The following MFSD1 variants were observed in gnomAD, a reference collection of about 807,000 sequenced individuals.
MFSD1 encodes lysosomal dipeptide transporter MFSD1.
MFSD1 carries 59 observed loss-of-function variants against 67.1 expected under a neutral mutation model. That is an observed-to-expected ratio of 0.88 (90% CI 0.71 to 1.09). The LOEUF (loss-of-function observed/expected upper bound fraction) is 1.09. Among genes scored for constraint, MFSD1 ranks in the 50% least tolerant of loss-of-function variants. The pLI is 0.00. For missense variants in MFSD1, 552 were observed against 566.1 expected (o/e 0.97, Z 0.25); for synonymous variants, 213 against 200.3 (o/e 1.06, Z -0.54).
intron 2 of MFSD1, among the ~76,000 whole-genome samples, 179 bp downstream of exon 2, chr3:158,804,550 A>C (rs1315456491): frequency 6.6e-6 from 1 of 152,222 alleles, no homozygotes; most frequent in African/African-American, 2.4e-5. Context: ...GTTACCACAA[A>C]TAATTCATTT....
intron 9 of MFSD1, 60 bp from the exon 10 acceptor site, chr3:158,821,537 T>A: frequency 9.0e-7 from 1 of 1,114,172 alleles, no homozygotes; most frequent in South Asian, 1.4e-5. Flanking sequence ...TTCAACTTTA[T>A]TTTTTGAAAA....
intron 6 of MFSD1, 37 bp from the exon 7 acceptor site, chr3:158,813,928 T>C (rs758286542): frequency 3.4e-6 from 5 of 1,462,924 alleles, no homozygotes; most frequent in Non-Finnish European, 4.8e-6. Context: ...TATATATGAT[T>C]TAAAATGCTG....
chr3:158,818,532 T>A (rs1416877730), intron 7 of MFSD1, among the ~76,000 whole-genome samples: 1 of 152,168 alleles, frequency 6.6e-6, no homozygotes, highest in Non-Finnish European at 1.5e-5. Flanking sequence ...CAGTCTCTAA[T>A]TAAACCACTG....
At chr3:158,812,835 G>A (rs574811819) in intron 6 of MFSD1, among the ~76,000 whole-genome samples, 2 of 151,880 alleles carry the variant, frequency 1.3e-5, no homozygotes, top group African/African-American at 4.8e-5. Flanking sequence ...CATCCTCTCC[G>A]TTCTGTTTGC....
intron 7 of MFSD1, among the ~76,000 whole-genome samples, chr3:158,816,098 G>C (rs1222061049): frequency 2.4e-4 from 36 of 151,914 alleles, no homozygotes; most frequent in African/African-American, 7.2e-4. Context: ...ATTGTGAATA[G>C]TGCCGCAATA....
chr3:158,821,891 G>C (rs1243690767), intron 10 of MFSD1, 93 bp from the exon 11 acceptor site: 45 of 1,323,984 alleles, frequency 3.4e-5, no homozygotes, highest in Non-Finnish European at 3.4e-5. Context: ...AAATGAGTTA[G>C]GATTTGCTTT....
chr3:158,820,281 G>A lies in MFSD1; in HGVS notation c.818G>A (p.Cys273Tyr). The A allele has an allele frequency of 1.2e-6, 2 of 1,611,900 alleles. No individual in the cohort carries two copies. Among genetic ancestry groups the A allele is most frequent in the Non-Finnish European group, 1.7e-6 (2 of 1,178,224 alleles). The change falls in exon 9 of 16, where the codon TGT becomes TAT. Residue 273 changes from cysteine (C) to tyrosine (Y), a missense_variant. Transcript: ENST00000415822. ...CCCCTGTGGCTTATATTTATCATCT[G>A]TGTCTGCTATTATGTTGCTGTGTTC... ...SLPLWLIFII[C>Y]VCYYVAVFPF...
At chr3:158,817,031 C>T (rs1473769229) in intron 7 of MFSD1, among the ~76,000 whole-genome samples, 1 of 152,132 alleles carries the variant, frequency 6.6e-6, no homozygotes, top group Admixed American at 6.5e-5. Flanking sequence ...GGTACCAGTA[C>T]CATGCTGTTT....
chr3:158,809,414 C>G (rs1387003603), intron 6 of MFSD1, 127 bp downstream of exon 6: 2 of 600,094 alleles, frequency 3.3e-6, no homozygotes, highest in Non-Finnish European at 5.7e-6. Context: ...TTATGGATTT[C>G]TCTAGAACAC....
At position 158,809,790 on chromosome 3, in the gene MFSD1, G is replaced by A. The variant is rs143488830; in HGVS notation, c.549+503G>A. Among the ~76,000 whole-genome samples the A allele has an allele frequency of 8.3e-4, 126 of 152,294 alleles. 1 individual carries two copies. The highest frequency in any genetic ancestry group is 3.0e-3 in the African/African-American group (126 of 41,558). On this transcript the variant is annotated intron_variant, in intron 6 of 15. Transcript: ENST00000415822. ...AGATAAAGTTTACTTCCTCTGCTGT[G>A]CATCAGCACTTTGCTCCTTTGTAGA...
intron 6 of MFSD1, among the ~76,000 whole-genome samples, chr3:158,811,345 C>A (rs1730008497): frequency 6.6e-6 from 1 of 152,144 alleles, no homozygotes; most frequent in Non-Finnish European, 1.5e-5. Flanking sequence ...GTTAGACATG[C>A]CTGCCATTCA....
intron 6 of MFSD1, among the ~76,000 whole-genome samples, chr3:158,810,739 G>A (rs1052997890): frequency 4.6e-5 from 7 of 152,146 alleles, no homozygotes; most frequent in African/African-American, 1.4e-4. Context: ...CCCTTTTATT[G>A]TAGCATTGAT....
At chr3:158,823,258 G>A in intron 11 of MFSD1, 170 bp from the exon 12 acceptor site, 1 of 606,546 alleles carries the variant, frequency 1.6e-6, no homozygotes, top group Non-Finnish European at 3.0e-6. Context: ...ATACTCTTAG[G>A]GCAGAGACTT....
chr3:158,816,425 T>C (rs1394254896), intron 7 of MFSD1, among the ~76,000 whole-genome samples: 1 of 152,240 alleles, frequency 6.6e-6, no homozygotes, highest in East Asian at 1.9e-4. Context: ...CATTTTTTCA[T>C]GTGTCTTTTG....
chr3:158,826,021 T>A lies in MFSD1; in HGVS notation c.1295T>A (p.Leu432His). ...VFFIACVSLSLLSVVLLYLVN... is the reference protein window; with the variant it reads ...VFFIACVSLSHLSVVLLYLVN... ...TATGTTTTTTCACTCCTAGTGTCACTTTTATCTGTGGTCTTACTCTATTTG... is the reference window on the plus strand; with the variant it reads ...TATGTTTTTTCACTCCTAGTGTCACATTTATCTGTGGTCTTACTCTATTTG... The change falls in exon 14 of 16, where the codon CTT becomes CAT. Residue 432 changes from leucine to histidine, a missense_variant. Coordinates refer to ENST00000415822, the MANE Select transcript of MFSD1 (RefSeq NM_022736.4). 6.2e-7 allele frequency: 1 copy of A among 1,613,250 alleles called. No homozygotes were observed. The highest frequency in any genetic ancestry group is 1.1e-5 in the South Asian group (1 of 91,068).
At position 158,807,388 on chromosome 3, in the gene MFSD1, C is replaced by A. The variant is rs116276815; in HGVS notation, c.373-8C>A. 1.2e-5 allele frequency: 19 copies of A among 1,608,420 alleles called. No individual in the cohort carries two copies. The highest frequency in any genetic ancestry group is 1.6e-5 in the Non-Finnish European group (19 of 1,175,618). On this transcript the variant is annotated splice_region_variant and splice_polypyrimidine_tract_variant and intron_variant, in intron 4 of 15. Transcript: ENST00000415822. ...TTCATTAATTTGACATGAACTTCTA[C>A]ATTATAGGTTGTTTTTGCCCTGGGT...
chr3:158,828,761 G>T (rs1177756503), intron 15 of MFSD1, among the ~76,000 whole-genome samples: 1 of 146,512 alleles, frequency 6.8e-6, no homozygotes. Flanking sequence ...TGAAACCTCA[G>T]AATATTAATT....
chr3:158,802,803 C>T (rs1350444502), intron 1 of MFSD1, among the ~76,000 whole-genome samples: 3 of 152,148 alleles, frequency 2.0e-5, no homozygotes, highest in South Asian at 4.1e-4. Context: ...TGGGTTCAAG[C>T]AATCCTCCCG....
At position 158,827,311 on chromosome 3, in the gene MFSD1, G is replaced by A; in HGVS notation, c.1368G>A (p.Arg456=). 1 of 1,550,870 alleles carries A rather than the reference G, an allele frequency of 6.4e-7. No individual in the cohort carries two copies. Among genetic ancestry groups the A allele is most frequent in the South Asian group, 1.2e-5 (1 of 81,054 alleles). The change falls in exon 15 of 16, where the codon AGG becomes AGA. Residue 456 remains arginine (R), a synonymous_variant. Coordinates refer to ENST00000415822, the MANE Select transcript of MFSD1 (RefSeq NM_022736.4). Reference sequence around the variant, plus strand: ...ACCTAAATTATTCTGCAAGACAAAGGGAAGAAATAAAATTTTCCCATACTG... The same window carrying A: ...ACCTAAATTATTCTGCAAGACAAAGAGAAGAAATAAAATTTTCCCATACTG... The part of the protein sequence containing the change: ...GGNLNYSARQ[R]EEIKFSHTE
Sources: allele counts gnomAD v4.1 joint callset (sites outside exome capture counted in the v4.1 genomes callset), GRCh38; gene constraint gnomAD v4.1.1; transcripts MANE v1.5; gene names NCBI Gene and HGNC (gene_info 2026-07-23, HGNC 2026-07-21).